PDE4D: variants seen among roughly 807,000 people sequenced by gnomAD.
PDE4D encodes the protein 3',5'-cyclic-AMP phosphodiesterase 4D.
In PDE4D, 24 loss-of-function variants were observed where a neutral mutation model predicts 87.4. That is an observed-to-expected ratio of 0.27 (90% CI 0.20 to 0.39). The LOEUF (loss-of-function observed/expected upper bound fraction) is 0.39. Ranked by LOEUF, PDE4D falls within the 10% of genes least tolerant of loss-of-function variation. PDE4D has a pLI of 1.00. For missense variants in PDE4D, 714 were observed against 1,041.0 expected (o/e 0.69, Z 4.32); for synonymous variants, 384 against 383.2 (o/e 1.00, Z -0.02).
chr5:58,993,517 A>AAT (rs897600352), intron 6 of PDE4D, 52 bp from the exon 7 acceptor site: 16 of 1,104,658 alleles, frequency 1.4e-5, no homozygotes, highest in Non-Finnish European at 1.9e-5. Context: ...ATTTAAGTGA[A>AAT]ATATATATGC....
chr5:59,086,548 A>G (rs1045319438), intron 5 of PDE4D, among the ~76,000 whole-genome samples: 3 of 151,556 alleles, frequency 2.0e-5, no homozygotes, highest in Non-Finnish European at 1.5e-5. Flanking sequence ...GAGTACCTTC[A>G]CCCCCAAAAC....
At chr5:60,306,397 C>T (rs972656387) in intron 1 of PDE4D, among the ~76,000 whole-genome samples, 1 of 151,690 alleles carries the variant, frequency 6.6e-6, no homozygotes, top group African/African-American at 2.4e-5. Context: ...AATAAAATAA[C>T]AAAATATTCA....
intron 1 of PDE4D, among the ~76,000 whole-genome samples, chr5:59,809,771 G>A (rs568062588): frequency 2.0e-5 from 3 of 152,218 alleles, no homozygotes; most frequent in African/African-American, 7.2e-5. Flanking sequence ...ATTCCATCAA[G>A]CAGTCTTCTT....
At chr5:59,227,904 T>C (rs759291046) in intron 1 of PDE4D, among the ~76,000 whole-genome samples, 4 of 152,160 alleles carry the variant, frequency 2.6e-5, no homozygotes, top group Admixed American at 6.5e-5. Flanking sequence ...CTACAGGGTA[T>C]ATACCAAAAG....
chr5:59,352,914 G>A (rs1354170379), intron 1 of PDE4D, among the ~76,000 whole-genome samples: 1 of 152,092 alleles, frequency 6.6e-6, no homozygotes, highest in Non-Finnish European at 1.5e-5. Context: ...TGCTGGGAAG[G>A]AAAAGATGTT....
chr5:59,737,377 G>A (rs563591136), intron 1 of PDE4D, among the ~76,000 whole-genome samples: 7 of 152,090 alleles, frequency 4.6e-5, no homozygotes, highest in South Asian at 2.1e-4. Flanking sequence ...TAATTCATGC[G>A]TATTGGACAG....
intron 1 of PDE4D, among the ~76,000 whole-genome samples, chr5:60,441,293 A>C (rs1320818326): frequency 6.6e-6 from 1 of 152,266 alleles, no homozygotes; most frequent in East Asian, 1.9e-4. Context: ...ACACATCTAC[A>C]ACCATCTGAT....
At chr5:59,748,545 G>C (rs144637130) in intron 1 of PDE4D, among the ~76,000 whole-genome samples, 1 of 150,726 alleles carries the variant, frequency 6.6e-6, no homozygotes, top group South Asian at 2.1e-4. Flanking sequence ...GCAAACTATC[G>C]CAAGGACAAA....
At chr5:60,079,785 A>G (rs891122701) in intron 2 of PDE4D, among the ~76,000 whole-genome samples, 8 of 152,216 alleles carry the variant, frequency 5.3e-5, no homozygotes, top group African/African-American at 1.7e-4. Context: ...GTAGCCTTGC[A>G]GTATAGTTTG....
intron 1 of PDE4D, among the ~76,000 whole-genome samples, chr5:59,452,079 T>C (rs1014317566): frequency 6.6e-6 from 1 of 152,244 alleles, no homozygotes; most frequent in African/African-American, 2.4e-5. Flanking sequence ...TTCTTTTTTT[T>C]AGTTCATCAG....
chr5:59,345,957 A>C (rs563916941), intron 1 of PDE4D, among the ~76,000 whole-genome samples: 3 of 152,322 alleles, frequency 2.0e-5, no homozygotes, highest in African/African-American at 7.2e-5. Flanking sequence ...AATGGCCTAA[A>C]ACTGGAATAC....
intron 1 of PDE4D, among the ~76,000 whole-genome samples, chr5:59,369,606 C>T (rs1783629432): frequency 6.6e-6 from 1 of 152,128 alleles, no homozygotes; most frequent in East Asian, 1.9e-4. Flanking sequence ...CATATATACA[C>T]ATGCCTCAGG....
At chr5:59,562,842 C>A (rs1205279244) in intron 1 of PDE4D, among the ~76,000 whole-genome samples, 1 of 151,872 alleles carries the variant, frequency 6.6e-6, no homozygotes, top group African/African-American at 2.4e-5. Flanking sequence ...CTCACTTCCT[C>A]ATATGGTAAT....
chr5:59,125,174 G>T, intron 5 of PDE4D: 1 of 458,686 alleles, frequency 2.2e-6, no homozygotes, highest in Non-Finnish European at 2.9e-6. Flanking sequence ...GAGCTATTTT[G>T]TTTCCATGGC....
intron 6 of PDE4D, among the ~76,000 whole-genome samples, chr5:59,029,349 G>A (rs1399917591): frequency 6.7e-6 from 1 of 148,848 alleles, no homozygotes; most frequent in African/African-American, 2.5e-5. Flanking sequence ...CCTGGGAGGT[G>A]GAGCTTGCAG....
At chr5:60,130,324 G>A (rs539126020) in intron 2 of PDE4D, among the ~76,000 whole-genome samples, 1 of 152,264 alleles carries the variant, frequency 6.6e-6, no homozygotes, top group East Asian at 1.9e-4. Flanking sequence ...ATATTGGCAA[G>A]CTTACAGTAG....
chr5:59,953,320 C>T (rs1432121764), intron 3 of PDE4D, among the ~76,000 whole-genome samples: 1 of 151,106 alleles, frequency 6.6e-6, no homozygotes, highest in Non-Finnish European at 1.5e-5. Context: ...TTTAATGCAT[C>T]AAAATATTTA....
intron 3 of PDE4D, among the ~76,000 whole-genome samples, chr5:59,901,977 C>T (rs989777466): frequency 5.3e-5 from 7 of 133,196 alleles, no homozygotes; most frequent in South Asian, 2.5e-4. Context: ...CACACACACA[C>T]GGAGACATGC....
At chr5:60,210,690 T>C (rs1477965169) in intron 1 of PDE4D, among the ~76,000 whole-genome samples, 1 of 152,124 alleles carries the variant, frequency 6.6e-6, no homozygotes, top group Non-Finnish European at 1.5e-5. Context: ...TTTTAAAACC[T>C]ATTTCAAACC....
Sources: gnomAD v4.1 joint callset for allele counts (sites outside exome capture counted in the v4.1 genomes callset) on GRCh38, gnomAD v4.1.1 for gene constraint, MANE v1.5 for transcripts, NCBI Gene and HGNC (gene_info 2026-07-23, HGNC 2026-07-21) for gene names.